Variants in MYO16 observed in about 807,000 individuals in gnomAD.
The protein encoded by MYO16 is myosin XVI, also known as unconventional myosin-XVI.
A neutral mutation model predicts 205.3 loss-of-function variants in MYO16; 94 were observed. The observed-to-expected ratio is 0.46, with a 90% confidence interval of 0.39 to 0.54. MYO16 has a LOEUF of 0.54. MYO16 is among the 20% of genes least tolerant of loss of function. MYO16 has a pLI of 0.00. For missense variants in MYO16, 2,315 were observed against 2,387.5 expected, an observed-to-expected ratio of 0.97 and a Z score of 0.63; for synonymous variants, 988 against 954.0, an observed-to-expected ratio of 1.04 and a Z score of -0.66.
chr13:108,888,595 A>G (rs937847018), intron 14 of MYO16, 118 bp downstream of exon 14: 51 of 512,686 alleles, frequency 9.9e-5, no homozygotes, highest in Non-Finnish European at 1.6e-4. Flanking sequence ...TTGTGGAAAT[A>G]AAGAATAAAA....
chr13:108,726,885 A>C (rs905480421), intron 3 of MYO16, among the ~76,000 whole-genome samples: 2 of 151,770 alleles, frequency 1.3e-5, no homozygotes, highest in Non-Finnish European at 2.9e-5. Context: ...ATTTTAGGAG[A>C]CTCTTAAATT....
At chr13:108,882,952 G>A (rs1388097964) in intron 12 of MYO16, 107 bp from the exon 13 acceptor site, 20 of 1,402,432 alleles carry the variant, frequency 1.4e-5, no homozygotes, top group Non-Finnish European at 1.9e-5. Flanking sequence ...CAGAATTAGG[G>A]ATTCATTCAC....
At position 109,140,866 on chromosome 13, in the gene MYO16, G is replaced by A. The variant is rs766099356; in HGVS notation, c.4654G>A (p.Val1552Met). The change falls in exon 32 of 35, where the codon GTG (valine) becomes ATG (methionine). Residue 1552 changes from valine (V) to methionine (M), a missense_variant. Coordinates refer to ENST00000457511, the MANE Select transcript of MYO16 (RefSeq NM_001198950.3). The surrounding 1 kb of genome is among the most constrained non-coding windows in gnomAD (Gnocchi z 8.0). ...CCTGGAGACCAACCTCAAGTACCCC[G>A]TGCAGCCGGAGGGGTCGAGCCCGCT... ...PVLETNLKYP[V>M]QPEGSSPLSP... 5 of 1,595,902 alleles carry A rather than the reference G, an allele frequency of 3.1e-6. No homozygotes were observed. Among genetic ancestry groups the A allele is most frequent in the East Asian group, 4.7e-5 (2 of 42,842 alleles).
At chr13:108,777,463 G>T (rs903932144) in intron 4 of MYO16, among the ~76,000 whole-genome samples, 1 of 152,196 alleles carries the variant, frequency 6.6e-6, no homozygotes, top group African/African-American at 2.4e-5. Flanking sequence ...GACCCTCAGG[G>T]ATTGAAATGT....
intron 2 of MYO16, among the ~76,000 whole-genome samples, chr13:108,706,538 CCCT>C (rs1324009510): frequency 6.6e-6 from 1 of 152,126 alleles, no homozygotes; most frequent in Non-Finnish European, 1.5e-5. Flanking sequence ...TAATTGTGAT[CCCT>C]TTTGTCCTCC....
chr13:108,587,499 C>T, the MYO16 span, among the ~76,000 whole-genome samples: 17 of 152,182 alleles, frequency 1.1e-4, no homozygotes, highest in African/African-American at 4.1e-4. Flanking sequence ...AATGTTATGT[C>T]AGAAATGTTA....
chr13:108,843,777 CTT>C (rs1191812214), intron 9 of MYO16, among the ~76,000 whole-genome samples: 1 of 151,876 alleles, frequency 6.6e-6, no homozygotes, highest in Non-Finnish European at 1.5e-5. Flanking sequence ...AGTTAAGTAT[CTT>C]TTATTTTTTG....
At position 108,957,783 on chromosome 13, in the gene MYO16, T is replaced by C; in HGVS notation, c.2021T>C (p.Val674Ala). 2 of 1,613,636 alleles carry C rather than the reference T, an allele frequency of 1.2e-6. No individual in the cohort carries two copies. Among genetic ancestry groups the C allele is most frequent in the African/African-American group, 1.3e-5 (1 of 75,042 alleles). ...GTTTTGAAACGAGCCCTGAATGTAGTTGGCTTCAGCAGCTTGGTGAGTCAT... is the reference window on the plus strand; with the variant it reads ...GTTTTGAAACGAGCCCTGAATGTAGCTGGCTTCAGCAGCTTGGTGAGTCAT... ...LAVLKRALNVVGFSSLEVENL... is the reference protein window; with the variant it reads ...LAVLKRALNVAGFSSLEVENL... The change falls in exon 17 of 35, where the codon GTT (valine) becomes GCT (alanine). Residue 674 changes from valine to alanine, a missense_variant. By Grantham distance (64) the Val-to-Ala change is moderately conservative (BLOSUM62 0). Around this residue, in one of 3 missense-constraint regions of MYO16, gnomAD observed 1,213 missense variants for 1,274.4 expected, o/e 0.95. Transcript: ENST00000457511.
In MYO16 at chr13:108,727,583, A is replaced by G. The variant is rs762874541; in HGVS notation, c.507A>G (p.Leu169=). The G allele has an allele frequency of 6.2e-7, 1 of 1,609,204 alleles. No homozygotes were observed. Among genetic ancestry groups the G allele is most frequent in the South Asian group, 1.1e-5 (1 of 89,756 alleles). ...DNPDIVLLLV[L]AGANVLLQDV... is the part of the protein sequence containing the mutation. ...CTGATATTGTCCTGCTTCTTGTATT[A>G]GTAAGTAAAGCAATTCAGTTTACCA... The change falls in exon 4 of 35, where the codon TTA becomes TTG. Residue 169 remains leucine, a splice_region_variant and synonymous_variant. Coordinates refer to ENST00000457511, the MANE Select transcript of MYO16 (RefSeq NM_001198950.3).
At chr13:109,165,095 A>T in intron 33 of MYO16, 36 bp downstream of exon 33, 2 of 1,525,320 alleles carry the variant, frequency 1.3e-6, no homozygotes, top group Non-Finnish European at 8.9e-7. Context: ...AAATGTACAA[A>T]AGTTTTAGGC....
intron 2 of MYO16, among the ~76,000 whole-genome samples, chr13:108,699,280 TCA>T (rs1254927280): frequency 6.6e-6 from 1 of 151,984 alleles, no homozygotes; most frequent in Non-Finnish European, 1.5e-5. Context: ...AACATTTTAC[TCA>T]CATTTTAATA....
At chr13:108,955,109 A>G (rs1366595140) in intron 16 of MYO16, among the ~76,000 whole-genome samples, 2 of 152,148 alleles carry the variant, frequency 1.3e-5, no homozygotes, top group African/African-American at 4.8e-5. Context: ...AACCAAAGCC[A>G]CAACCATTGG....
intron 32 of MYO16, among the ~76,000 whole-genome samples, chr13:109,150,915 C>T (rs538101707): frequency 1.3e-5 from 2 of 152,332 alleles, no homozygotes; most frequent in East Asian, 1.9e-4. Context: ...TAAAGACCTT[C>T]CTGACTATCT....
intron 16 of MYO16, among the ~76,000 whole-genome samples, chr13:108,954,972 T>C (rs2139349932): frequency 6.6e-6 from 1 of 152,326 alleles, no homozygotes; most frequent in East Asian, 1.9e-4. Flanking sequence ...CACGGCATCC[T>C]GCGGCATCAG....
At chr13:109,033,412 T>A (rs1886607434) in intron 23 of MYO16, among the ~76,000 whole-genome samples, 2 of 152,200 alleles carry the variant, frequency 1.3e-5, no homozygotes, top group South Asian at 4.1e-4. Flanking sequence ...TTTGCTTTCC[T>A]TTATACCTTC....
At position 108,900,391 on chromosome 13, in the gene MYO16, A is replaced by G. The variant is rs766094942; in HGVS notation, c.1777+2258A>G. Among the ~76,000 whole-genome samples the G allele has an allele frequency of 5.3e-5, 8 of 152,170 alleles. 1 individual carries two copies. Among genetic ancestry groups the G allele is most frequent in the Non-Finnish European group, 1.2e-4 (8 of 68,046 alleles). ...GACCCAGAGGTGATACATATTCATA[A>G]TGATGGGCCTGGAGCAGTTCAATGT... On this transcript the variant is annotated intron_variant, in intron 15 of 34. Transcript: ENST00000457511.
chr13:109,184,714 A>G (rs1309329638), intron 34 of MYO16, among the ~76,000 whole-genome samples: 1 of 151,982 alleles, frequency 6.6e-6, no homozygotes, highest in Non-Finnish European at 1.5e-5. Flanking sequence ...CTTCTGCCTC[A>G]GCCTCCCAAG....
intron 16 of MYO16, among the ~76,000 whole-genome samples, chr13:108,932,654 A>G (rs1462614456): frequency 6.6e-6 from 1 of 152,158 alleles, no homozygotes; most frequent in African/African-American, 2.4e-5. Context: ...CCCACCCAGT[A>G]TCTACCCAAG....
intron 16 of MYO16, among the ~76,000 whole-genome samples, chr13:108,925,919 C>T (rs1009493533): frequency 3.3e-5 from 5 of 152,174 alleles, no homozygotes; most frequent in African/African-American, 9.7e-5. Flanking sequence ...TAAAGGCTTC[C>T]AGTGTTTCCC....
Sources: gnomAD v4.1 joint callset for allele counts (sites outside exome capture counted in the v4.1 genomes callset) on GRCh38, gnomAD v4.1.1 for gene constraint, gnomAD v4.1.1 regional missense constraint, Gnocchi (gnomAD v3.1) non-coding constraint, MANE v1.5 for transcripts, NCBI Gene and HGNC (gene_info 2026-07-23, HGNC 2026-07-21) for gene names.